Variants in TNS1 observed in about 807,000 individuals in gnomAD.
TNS1 encodes the protein tensin 1.
Under a neutral mutation model 168.6 loss-of-function variants are expected in TNS1, and 62 were observed. The observed-to-expected ratio is 0.37, with a 90% confidence interval of 0.30 to 0.45. The LOEUF (loss-of-function observed/expected upper bound fraction) is 0.45. Ranked by LOEUF, TNS1 falls within the 20% of genes least tolerant of loss-of-function variation. TNS1 has a pLI of 1.00. For synonymous variants in TNS1, 934 were observed against 933.2 expected, an observed-to-expected ratio of 1.00 and a Z score of -0.02; for missense variants, 2,240 against 2,339.4, an observed-to-expected ratio of 0.96 and a Z score of 0.88.
chr2:217,803,526 T>C lies in TNS1; in HGVS notation c.*933A>G, dbSNP rs1937808508. On this transcript the variant is annotated 3_prime_UTR_variant, in exon 33 of 33. Coordinates refer to ENST00000682258, the MANE Select transcript of TNS1 (RefSeq NM_001387777.1). Reference sequence around the variant, plus strand: ...GCCTGTTCTGACAGATCTCTTCCTATGGATACACATATCTCTACCTCCTCA... The same window carrying C: ...GCCTGTTCTGACAGATCTCTTCCTACGGATACACATATCTCTACCTCCTCA... 6.6e-6 allele frequency: 1 copy of C among 152,658 alleles called. No homozygotes were observed. The highest frequency in any genetic ancestry group is 2.1e-4 in the South Asian group (1 of 4,832). The allele number at this position is 152,658 out of a possible 1,614,324, so 9.5% of individuals were successfully genotyped here. A position where few individuals can be genotyped will look rare whatever the true frequency, so the allele number is the denominator to read the frequency against.
chr2:217,831,334 G>A (rs1944389990), intron 22 of TNS1, 121 bp downstream of exon 22: 1 of 821,338 alleles, frequency 1.2e-6, no homozygotes, highest in Admixed American at 2.9e-5. Flanking sequence ...ACCCAGGCCT[G>A]ACCTCAGTGT....
chr2:218,015,045 C>T (rs1958745638), upstream of TNS1, among the ~76,000 whole-genome samples: 1 of 152,178 alleles, frequency 6.6e-6, no homozygotes, highest in African/African-American at 2.4e-5. Flanking sequence ...TTTGCTGTCA[C>T]TGTAGTCAGG....
intron 18 of TNS1, among the ~76,000 whole-genome samples, chr2:217,869,548 C>A (rs1387460956): frequency 6.6e-6 from 1 of 152,146 alleles, no homozygotes; most frequent in Non-Finnish European, 1.5e-5. Context: ...AACCCACCCC[C>A]ACCTGCGTGG....
chr2:217,919,926 C>A (rs1955542540), intron 4 of TNS1, among the ~76,000 whole-genome samples: 2 of 152,194 alleles, frequency 1.3e-5, no homozygotes, highest in Admixed American at 6.5e-5. Context: ...CCTGGCCAGG[C>A]CTGGAGACAC....
intron 3 of TNS1, among the ~76,000 whole-genome samples, chr2:217,943,199 A>AGG (rs1957002260): frequency 3.3e-5 from 5 of 152,102 alleles, no homozygotes; most frequent in Admixed American, 1.3e-4. Flanking sequence ...GAGAGGGCAG[A>AGG]GGGGGCACTT....
At chr2:217,829,245 C>T (rs968134560) in intron 22 of TNS1, among the ~76,000 whole-genome samples, 8 of 150,892 alleles carry the variant, frequency 5.3e-5, no homozygotes, top group Admixed American at 2.6e-4. Context: ...AATTGCTGGG[C>T]GTGGTGGTGC....
At position 217,818,038 on chromosome 2, in the gene TNS1, T is replaced by C. The variant is rs759534034; in HGVS notation, c.4294A>G (p.Thr1432Ala). Reference sequence around the variant, plus strand: ...AGTGTGGGTCTCCGATCCTCCGGGGTAGAATAGCCACCATAGGCCACATGC... The same window carrying C: ...AGTGTGGGTCTCCGATCCTCCGGGGCAGAATAGCCACCATAGGCCACATGC... ...DRHVAYGGYS[T>A]PEDRRPTLSR... The change falls in exon 24 of 33, where the codon ACC (threonine) becomes GCC (alanine). Residue 1432 changes from threonine to alanine, a missense_variant. This residue lies in a region of TNS1 where 2,131 missense variants were observed against 2,171.2 expected (regional missense o/e 0.98). Coordinates refer to ENST00000682258, the MANE Select transcript of TNS1 (RefSeq NM_001387777.1). The C allele has an allele frequency of 1.9e-6, 3 of 1,603,492 alleles. No homozygotes were observed. Among genetic ancestry groups the C allele is most frequent in the East Asian group, 4.5e-5 (2 of 44,488 alleles).
intron 3 of TNS1, among the ~76,000 whole-genome samples, chr2:217,942,102 T>C (rs1956941896): frequency 6.6e-6 from 1 of 152,202 alleles, no homozygotes; most frequent in African/African-American, 2.4e-5. Flanking sequence ...TGGGAAATTC[T>C]TCACTGGGGC....
chr2:217,863,046 C>A (rs550504750), intron 18 of TNS1, among the ~76,000 whole-genome samples: 2 of 151,800 alleles, frequency 1.3e-5, no homozygotes, highest in East Asian at 3.9e-4. Context: ...TCCCTGGTCA[C>A]CCCCTCCAAG....
chr2:217,818,582 G>T lies in TNS1; in HGVS notation c.3750C>A (p.Ser1250Arg), dbSNP rs1429249801. Residue 1250 changes from serine (S) to arginine (R), a missense_variant, in exon 24 of 33, where the codon AGC becomes AGA. Physicochemically the swap from Ser to Arg is moderately radical, Grantham distance 110. Transcript: ENST00000682258. ...TGAAATGCTGAAGTGAGTAGTCGGG[G>T]CTGCTGTAGCTACTGCCCACAGTCG... Reference protein sequence around the residue: ...PLPTVGSSYSSPDYSLQHFSS... With the variant: ...PLPTVGSSYSRPDYSLQHFSS... The T allele has an allele frequency of 6.2e-7, 1 of 1,614,104 alleles. No homozygotes were observed. The highest frequency in any genetic ancestry group is 1.3e-5 in the African/African-American group (1 of 74,932).
At chr2:217,967,301 A>T (rs949236056) in intron 3 of TNS1, among the ~76,000 whole-genome samples, 4 of 152,190 alleles carry the variant, frequency 2.6e-5, no homozygotes, top group African/African-American at 7.2e-5. Context: ...AGCCTGGGTG[A>T]CAGAGCGAGA....
chr2:217,814,810 G>T, intron 25 of TNS1, 102 bp downstream of exon 25: 1 of 936,446 alleles, frequency 1.1e-6, no homozygotes, highest in Non-Finnish European at 1.7e-6. Flanking sequence ...ATGACCCCCT[G>T]CTACAAAGAG....
chr2:217,979,610 C>G (rs1448636097), intron 2 of TNS1, among the ~76,000 whole-genome samples: 2 of 152,104 alleles, frequency 1.3e-5, no homozygotes, highest in Admixed American at 1.3e-4. Flanking sequence ...ATAAGGTTCC[C>G]GAAGCCTGGA....
chr2:217,955,205 C>T (rs1169236600), intron 3 of TNS1, among the ~76,000 whole-genome samples: 4 of 152,326 alleles, frequency 2.6e-5, no homozygotes, highest in Non-Finnish European at 5.9e-5. Flanking sequence ...GTCTCACCCC[C>T]GTGGGTTCCA....
intron 2 of TNS1, among the ~76,000 whole-genome samples, chr2:217,984,747 C>G (rs1188510336): frequency 6.8e-6 from 1 of 147,096 alleles, no homozygotes; most frequent in East Asian, 2.0e-4. Flanking sequence ...CCCACCTCAG[C>G]CTCTTTTTTT....
intron 32 of TNS1, among the ~76,000 whole-genome samples, chr2:217,807,007 G>A (rs1939258713): frequency 6.6e-6 from 1 of 152,210 alleles, no homozygotes; most frequent in Non-Finnish European, 1.5e-5. Flanking sequence ...ACCTCTCTGA[G>A]GTGCTGATGT....
intron 1 of TNS1, among the ~76,000 whole-genome samples, chr2:218,025,031 C>T (rs568015054): frequency 6.6e-6 from 1 of 152,186 alleles, no homozygotes; most frequent in Non-Finnish European, 1.5e-5. Flanking sequence ...CAGGCCTAGG[C>T]CTGGAGGGAG....
At chr2:217,985,182 C>T (rs1163140940) in intron 2 of TNS1, among the ~76,000 whole-genome samples, 1 of 151,912 alleles carries the variant, frequency 6.6e-6, no homozygotes, top group Admixed American at 6.6e-5. Flanking sequence ...AGATTGGACA[C>T]CCTGTTCTAG....
At chr2:217,994,589 C>T (rs1958435191) in intron 1 of TNS1, among the ~76,000 whole-genome samples, 1 of 152,198 alleles carries the variant, frequency 6.6e-6, no homozygotes, top group South Asian at 2.1e-4. Flanking sequence ...TCCCAAAGCA[C>T]AGTTGGGGCA....
Sources: allele counts gnomAD v4.1 joint callset (sites outside exome capture counted in the v4.1 genomes callset), GRCh38; gene constraint gnomAD v4.1.1; regional missense constraint gnomAD v4.1.1; transcripts MANE v1.5; gene names NCBI Gene and HGNC (gene_info 2026-07-23, HGNC 2026-07-21).